The following P3H3 variants were observed in gnomAD, a reference collection of about 807,000 sequenced individuals.
P3H3 encodes the protein gene rich cluster, B.
In P3H3, 64 loss-of-function variants were observed where a neutral mutation model predicts 78.1. The observed-to-expected ratio is 0.82, with a 90% CI of 0.67 to 1.01. P3H3 has a LOEUF of 1.01. Among genes scored for constraint, P3H3 ranks in the 50% least tolerant of loss-of-function variants. P3H3 has a pLI of 0.00. For synonymous variants in P3H3, 425 were observed against 416.7 expected (o/e 1.02, Z -0.24); for missense variants, 975 against 982.2 (o/e 0.99, Z 0.10).
chr12:6,839,295 A>C lies in P3H3; in HGVS notation c.2047-2A>C. 2 of 1,553,306 alleles carry C rather than the reference A, an allele frequency of 1.3e-6. No individual in the cohort carries two copies. The highest frequency in any genetic ancestry group is 2.4e-5 in the South Asian group (2 of 84,270). On this transcript the variant is annotated splice_acceptor_variant, in intron 14 of 14. Transcript: ENST00000290510. LOFTEE classifies it high-confidence loss of function. The stretch of plus-strand genomic sequence containing the variant: ...GGGCCACACTCTCCTCCCCAACCCC[A>C]GGAGTGGATAGAAGCCAAAGAACTG...
chr12:6,828,483 C>A lies in P3H3; in HGVS notation c.43C>A (p.Pro15Thr). 7.7e-7 allele frequency: 1 copy of A among 1,290,960 alleles called. No homozygotes were observed. Among genetic ancestry groups the A allele is most frequent in the Non-Finnish European group, 1.0e-6 (1 of 963,940 alleles). 80.0% of individuals were successfully genotyped at this position (1,290,960 alleles called of 1,614,324 possible). A position where few individuals can be genotyped will look rare whatever the true frequency, so the allele number is the denominator to read the frequency against. ...GCCGCTGCTGCTACTGCTGCTGCTG[C>A]CTCCCCCGGGGTCCCCTGAGCCCCC... ...LRPLLLLLLL[P>T]PPGSPEPPGL... Residue 15 changes from proline (P) to threonine (T), a missense_variant, in exon 1 of 15, where the codon CCT (proline) becomes ACT (threonine). Physicochemically the swap from Pro to Thr is conservative, Grantham distance 38 (BLOSUM62 -1). Coordinates refer to ENST00000290510, the MANE Select transcript of P3H3 (RefSeq NM_014262.5).
In P3H3 at chr12:6,831,237, T is replaced by G. The variant is rs782711950; in HGVS notation, c.1007T>G (p.Ile336Arg). The G allele has an allele frequency of 1.2e-6, 2 of 1,613,808 alleles. No individual in the cohort carries two copies. The highest frequency in any genetic ancestry group is 3.3e-5 in the Admixed American group (2 of 60,010). The part of the protein sequence containing the change: ...HAQVGNLSQA[I>R]ENVLSVLLFY... The stretch of plus-strand genomic sequence containing the variant: ...CCAGTGGGCAATCTGTCCCAGGCTA[T>G]AGAAAATGTCCTGAGTGTCCTGCTC... The change falls in exon 5 of 15, where the codon ATA becomes AGA. Residue 336 changes from isoleucine to arginine, a missense_variant. Ile to Arg is a moderately conservative substitution (Grantham distance 97). Transcript: ENST00000290510. This position sits in a 1 kb window ranked among gnomAD's most constrained non-coding sequence, Gnocchi z 4.6.
intron 9 of P3H3, among the ~76,000 whole-genome samples, chr12:6,836,701 C>T (rs1306196404): frequency 6.6e-6 from 1 of 152,208 alleles, no homozygotes; most frequent in East Asian, 1.9e-4. Context: ...GCTGTCCCTA[C>T]CCTCTCAGAG....
Position 6,830,513 on chromosome 12 carries a change from A to T in P3H3, c.812A>T (p.Asp271Val). 1 of 1,578,744 alleles carries T rather than the reference A, an allele frequency of 6.3e-7. No individual in the cohort carries two copies. Among genetic ancestry groups the T allele is most frequent in the South Asian group, 1.2e-5 (1 of 86,054 alleles). ...CAGCAGGGGGCTGAAGAAGAGGAGG[A>T]TGGGGCTGCGAGCCAGGGGGGCCTC... ...EEQQGAEEEEDGAASQGGLYE... is the reference protein window; with the variant it reads ...EEQQGAEEEEVGAASQGGLYE... Residue 271 changes from aspartate to valine, a missense_variant, in exon 3 of 15, where the codon GAT becomes GTT. Asp to Val is a radical substitution (Grantham distance 152). Coordinates refer to ENST00000290510, the MANE Select transcript of P3H3 (RefSeq NM_014262.5).
chr12:6,830,001 C>T lies in P3H3; in HGVS notation c.641C>T (p.Pro214Leu). 1 of 1,613,872 alleles carries T rather than the reference C, an allele frequency of 6.2e-7. No homozygotes were observed. Among genetic ancestry groups the T allele is most frequent in the African/African-American group, 1.3e-5 (1 of 75,038 alleles). Reference protein sequence around the residue: ...RPQSFRDLETPPHWAAYDTGL... With the variant: ...RPQSFRDLETLPHWAAYDTGL... ...CAGAGCTTCCGGGACCTGGAGACGC[C>T]CCCACACTGGGTGAGAATCCCAGCA... The change falls in exon 2 of 15, where the codon CCC becomes CTC. Residue 214 changes from proline (P) to leucine (L), a missense_variant. Transcript: ENST00000290510.
Position 6,837,718 on chromosome 12 carries a change from C to A in P3H3, c.1712-14C>A. ...AGGGGCACAGAGGTACCCCCAGACC[C>A]CTTTGTGTCCTAGGAGAGCAAGAGC... On this transcript the variant is annotated splice_polypyrimidine_tract_variant and intron_variant, in intron 11 of 14. Coordinates refer to ENST00000290510, the MANE Select transcript of P3H3 (RefSeq NM_014262.5). 6.2e-7 allele frequency: 1 copy of A among 1,606,792 alleles called. No homozygotes were observed. Among genetic ancestry groups the A allele is most frequent in the East Asian group, 2.2e-5 (1 of 44,508 alleles).
rs1943446726 is a variant in P3H3 at position 6,831,104 on chromosome 12, G to T, written c.986-112G>T. Reference sequence around the variant, plus strand: ...TGCCAGTGGGAAGGGGGCTCTTGGAGTTAGCTGTCTGGCCTCTGGAGACCA... The same window carrying T: ...TGCCAGTGGGAAGGGGGCTCTTGGATTTAGCTGTCTGGCCTCTGGAGACCA... On this transcript the variant is annotated intron_variant, in intron 4 of 14. Coordinates refer to ENST00000290510, the MANE Select transcript of P3H3 (RefSeq NM_014262.5). The surrounding 1 kb of genome is among the most constrained non-coding windows in gnomAD (Gnocchi z 4.6). 3 of 1,364,842 alleles carry T rather than the reference G, an allele frequency of 2.2e-6. No individual in the cohort carries two copies. Among genetic ancestry groups the T allele is most frequent in the African/African-American group, 1.4e-5 (1 of 69,846 alleles). 84.5% of individuals were successfully genotyped at this position (1,364,842 alleles called of 1,614,324 possible).
chr12:6,829,698 A>C lies in P3H3; in HGVS notation c.499-161A>C. The C allele has an allele frequency of 2.9e-6, 2 of 698,328 alleles. No individual in the cohort carries two copies. Among genetic ancestry groups the C allele is most frequent in the Non-Finnish European group, 2.5e-6 (1 of 405,488 alleles). 43.3% of individuals were successfully genotyped at this position (698,328 alleles called of 1,614,324 possible). On this transcript the variant is annotated intron_variant, in intron 1 of 14. Transcript: ENST00000290510. The surrounding 1 kb of genome is among the most constrained non-coding windows in gnomAD (Gnocchi z 5.1). The stretch of plus-strand genomic sequence containing the variant: ...GTCCCAACGTTCTGGCCTCTAGGGG[A>C]TCTGCAGTTCGGGCGGTGGGCGGTT...
rs1422070797 is a variant in P3H3, at chr12:6,833,769, C to G, written c.1293C>G (p.Asp431Glu). 1.9e-6 allele frequency: 3 copies of G among 1,611,108 alleles called. No homozygotes were observed. Among genetic ancestry groups the G allele is most frequent in the Admixed American group, 3.3e-5 (2 of 59,988 alleles). ...LREDQEKRPWDHEPVKPKPLT... is the reference protein window; with the variant it reads ...LREDQEKRPWEHEPVKPKPLT... ...AGGATCAAGAGAAGAGGCCTTGGGA[C>G]CATGAGCCCGTGAAGCCAAAGCCCT... The change falls in exon 8 of 15, where the codon GAC (aspartate) becomes GAG (glutamate). Residue 431 changes from aspartate to glutamate, a missense_variant. By Grantham distance (45) the Asp-to-Glu change is conservative. Transcript: ENST00000290510.
At chr12:6,835,568 G>A (rs1943487829) in intron 9 of P3H3, among the ~76,000 whole-genome samples, 1 of 151,804 alleles carries the variant, frequency 6.6e-6, no homozygotes, top group Admixed American at 6.6e-5. Context: ...TGGGCAACAA[G>A]ATCAAAACTC....
At chr12:6,834,078 G>C in intron 9 of P3H3, 29 bp downstream of exon 9, 2 of 1,611,754 alleles carry the variant, frequency 1.2e-6, no homozygotes, top group Non-Finnish European at 1.7e-6. Flanking sequence ...TCATCAGCTC[G>C]TTCAAGACTC....
Position 6,831,471 on chromosome 12 carries a change from G to T in P3H3, c.1122+119G>T. 7.2e-7 allele frequency: 1 copy of T among 1,383,830 alleles called. No individual in the cohort carries two copies. Among genetic ancestry groups the T allele is most frequent in the South Asian group, 1.3e-5 (1 of 74,698 alleles). 85.7% of individuals were successfully genotyped at this position (1,383,830 alleles called of 1,614,324 possible). A position where few individuals can be genotyped will look rare whatever the true frequency, so the allele number is the denominator to read the frequency against. ...TACCCGAGCACTCTAGTCACCCAAA[G>T]GACTCCAAGTCCAGCATCTGACTTC... On this transcript the variant is annotated intron_variant, in intron 5 of 14. Coordinates refer to ENST00000290510, the MANE Select transcript of P3H3 (RefSeq NM_014262.5). This position sits in a 1 kb window ranked among gnomAD's most constrained non-coding sequence, Gnocchi z 4.6.
Position 6,832,185 on chromosome 12 carries a change from T to A in P3H3, c.1212+271T>A, listed in dbSNP as rs1591579859. ...TTACCTGTAAGTTGGAATAATCACA[T>A]CTGTTTCACAGGGCTGTTGAAACCA... On this transcript the variant is annotated intron_variant, in intron 6 of 14. Transcript: ENST00000290510. Among the ~76,000 whole-genome samples, 3 of 152,200 alleles carry A rather than the reference T, an allele frequency of 2.0e-5. No homozygotes were observed. The East Asian group carries it at 5.8e-4, about 29-fold the overall frequency.
chr12:6,831,430 C>T lies in P3H3; in HGVS notation c.1122+78C>T. On this transcript the variant is annotated intron_variant, in intron 5 of 14. Transcript: ENST00000290510. This position sits in a 1 kb window ranked among gnomAD's most constrained non-coding sequence, Gnocchi z 4.6. ...ACCTGAGAAGTAACCTGGACCCCCA[C>T]CCCCCGCTGGCCTCTTACCCGAGCA... 1.3e-6 allele frequency: 2 copies of T among 1,570,102 alleles called. No homozygotes were observed. The highest frequency in any genetic ancestry group is 8.6e-7 in the Non-Finnish European group (1 of 1,159,478).
Position 6,837,723 on chromosome 12 carries a change from G to A in P3H3, c.1712-9G>A, listed in dbSNP as rs374591095. ...CACAGAGGTACCCCCAGACCCCTTTGTGTCCTAGGAGAGCAAGAGCAGCGC... is the reference window on the plus strand; with the variant it reads ...CACAGAGGTACCCCCAGACCCCTTTATGTCCTAGGAGAGCAAGAGCAGCGC... On this transcript the variant is annotated splice_polypyrimidine_tract_variant and intron_variant, in intron 11 of 14. Transcript: ENST00000290510. The A allele has an allele frequency of 4.0e-4, 637 of 1,608,670 alleles. No individual in the cohort carries two copies. Among genetic ancestry groups the A allele is most frequent in the Non-Finnish European group, 4.0e-4 (469 of 1,177,580 alleles).
chr12:6,829,708 C>T lies in P3H3; in HGVS notation c.499-151C>T, dbSNP rs3741920. ...TCTGGCCTCTAGGGGATCTGCAGTT[C>T]GGGCGGTGGGCGGTTCTGATTGGCC... On this transcript the variant is annotated intron_variant, in intron 1 of 14. Transcript: ENST00000290510. This position sits in a 1 kb window ranked among gnomAD's most constrained non-coding sequence, Gnocchi z 5.1. The T allele has an allele frequency of 0.3, 226,600 of 744,788 alleles. 43,776 individuals are homozygous for T. The highest frequency in any genetic ancestry group is 0.77 in the African/African-American group (43,267 of 56,182). The allele number at this position is 744,788 out of a possible 1,614,324, so 46.1% of individuals were successfully genotyped here.
chr12:6,830,571 T>A lies in P3H3; in HGVS notation c.853+17T>A, dbSNP rs1943438068. On this transcript the variant is annotated intron_variant, in intron 3 of 14. Transcript: ENST00000290510. Reference sequence around the variant, plus strand: ...CCATTGCAGGTAAGGGTCCCGTGTGTGAGGGGGTGGGTCGGTGCCCAGGGA... The same window carrying A: ...CCATTGCAGGTAAGGGTCCCGTGTGAGAGGGGGTGGGTCGGTGCCCAGGGA... The A allele has an allele frequency of 1.9e-6, 3 of 1,578,278 alleles. No homozygotes were observed. In the East Asian group the frequency reaches 6.8e-5, roughly 36 times the overall value.
In P3H3 at chr12:6,831,237, T is replaced by C; in HGVS notation, c.1007T>C (p.Ile336Thr). Residue 336 changes from isoleucine (I) to threonine (T), a missense_variant, in exon 5 of 15, where the codon ATA becomes ACA. Transcript: ENST00000290510. This position sits in a 1 kb window ranked among gnomAD's most constrained non-coding sequence, Gnocchi z 4.6. ...CCAGTGGGCAATCTGTCCCAGGCTA[T>C]AGAAAATGTCCTGAGTGTCCTGCTC... ...HAQVGNLSQA[I>T]ENVLSVLLFY... The C allele has an allele frequency of 1.2e-6, 2 of 1,613,808 alleles. No homozygotes were observed. Among genetic ancestry groups the C allele is most frequent in the Non-Finnish European group, 1.7e-6 (2 of 1,179,802 alleles).
At chr12:6,834,100 C>A in intron 9 of P3H3, 51 bp downstream of exon 9, 1 of 1,606,986 alleles carries the variant, frequency 6.2e-7, no homozygotes, top group South Asian at 1.1e-5. Context: ...TGGATACAAT[C>A]ACCTGTTCCC....
Sources: allele counts gnomAD v4.1 joint callset (sites outside exome capture counted in the v4.1 genomes callset), GRCh38; gene constraint gnomAD v4.1.1; non-coding constraint Gnocchi (gnomAD v3.1); transcripts MANE v1.5; gene names NCBI Gene and HGNC (gene_info 2026-07-23, HGNC 2026-07-21).